Variants in ABCC4 observed in about 807,000 individuals in gnomAD.
The protein encoded by ABCC4 is ATP binding cassette subfamily C member 4 (PEL blood group).
ABCC4 carries 102 observed loss-of-function variants against 168.5 expected under a neutral mutation model. That is an observed-to-expected ratio of 0.61 (90% confidence interval 0.52 to 0.71). The LOEUF is 0.71. ABCC4 is among the 30% of genes least tolerant of loss of function. The probability of loss-of-function intolerance (pLI) is 0.00; values close to 1 mark genes in which losing one functional copy is unlikely to be tolerated. For missense variants in ABCC4, 1,402 were observed against 1,605.8 expected (o/e 0.87, Z 2.17); for synonymous variants, 617 against 590.7 (o/e 1.04, Z -0.65).
intron 19 of ABCC4, among the ~76,000 whole-genome samples, chr13:95,135,587 A>T (rs1218367089): frequency 6.6e-6 from 1 of 151,662 alleles, no homozygotes; most frequent in African/African-American, 2.4e-5. Context: ...TAATTTTTGT[A>T]TTTTTTTGTA....
intron 1 of ABCC4, among the ~76,000 whole-genome samples, chr13:95,272,968 C>T (rs749664928): frequency 1.6e-4 from 25 of 152,156 alleles, no homozygotes; most frequent in Non-Finnish European, 3.1e-4. Context: ...AAATCATACA[C>T]ACACACACAC....
intron 1 of ABCC4, among the ~76,000 whole-genome samples, chr13:95,277,938 G>C (rs1415846599): frequency 6.6e-6 from 1 of 152,112 alleles, no homozygotes; most frequent in African/African-American, 2.4e-5. Context: ...GGGTAATACT[G>C]CACCTTCAAT....
At position 95,207,943 on chromosome 13, in the gene ABCC4, C is replaced by T. The variant is rs11568683; in HGVS notation, c.786-18G>A. ...TTTTACTCCTAAGGGGAACCAGACACGGGAGATGAGCCTGAGCGATCACAG... is the reference window on the plus strand; with the variant it reads ...TTTTACTCCTAAGGGGAACCAGACATGGGAGATGAGCCTGAGCGATCACAG... On this transcript the variant is annotated intron_variant, in intron 6 of 30. Transcript: ENST00000645237. 0.013 allele frequency: 20,775 copies of T among 1,610,548 alleles called. 171 individuals carry two copies. Among genetic ancestry groups the T allele is most frequent in the Non-Finnish European group, 0.015 (17,276 of 1,179,122 alleles).
At chr13:95,082,547 C>A (rs577316569) in intron 21 of ABCC4, among the ~76,000 whole-genome samples, 2 of 152,204 alleles carry the variant, frequency 1.3e-5, no homozygotes, top group East Asian at 3.9e-4. Context: ...GAACAAGCAC[C>A]GCTGGTAACA....
chr13:95,209,884 C>T (rs1370626230), intron 5 of ABCC4, among the ~76,000 whole-genome samples: 1 of 152,252 alleles, frequency 6.6e-6, no homozygotes, highest in East Asian at 1.9e-4. Context: ...TTTTCCAGAA[C>T]TCTCTGCCAC....
chr13:95,052,315 C>T (rs921266974), intron 27 of ABCC4, among the ~76,000 whole-genome samples: 2 of 152,174 alleles, frequency 1.3e-5, no homozygotes, highest in Admixed American at 6.5e-5. Flanking sequence ...AAAGACTAAA[C>T]TAGGTCCTGT....
intron 4 of ABCC4, among the ~76,000 whole-genome samples, chr13:95,223,442 A>C (rs1180349925): frequency 1.3e-5 from 2 of 152,170 alleles, no homozygotes; most frequent in Non-Finnish European, 2.9e-5. Context: ...TGTTCAAAGA[A>C]ACTGAGGAAA....
intron 29 of ABCC4, among the ~76,000 whole-genome samples, chr13:95,037,218 C>A (rs765284842): frequency 2.6e-5 from 4 of 151,936 alleles, no homozygotes; most frequent in Non-Finnish European, 4.4e-5. Flanking sequence ...TAAATATGAC[C>A]TAACAAAGAG....
At chr13:95,123,313 A>C (rs192666333) in intron 19 of ABCC4, among the ~76,000 whole-genome samples, 217 of 152,266 alleles carry the variant, frequency 1.4e-3, no homozygotes, top group African/African-American at 4.3e-3. Context: ...TTAAAATTTT[A>C]CTTGTTTCAT....
At chr13:95,051,109 A>G (rs1011480692) in intron 27 of ABCC4, among the ~76,000 whole-genome samples, 1 of 152,244 alleles carries the variant, frequency 6.6e-6, no homozygotes, top group African/African-American at 2.4e-5. Flanking sequence ...ACAAATTTAA[A>G]TGAAATCAGA....
chr13:95,252,864 C>T (rs983498160), intron 1 of ABCC4, among the ~76,000 whole-genome samples: 1 of 152,178 alleles, frequency 6.6e-6, no homozygotes, highest in Non-Finnish European at 1.5e-5. Context: ...AGGACTTTAA[C>T]TAGATGACCT....
intron 22 of ABCC4, 168 bp downstream of exon 22, chr13:95,075,264 T>G: frequency 9.7e-6 from 8 of 821,872 alleles, no homozygotes; most frequent in South Asian, 5.6e-5. Context: ...CCGAGAGGAG[T>G]CCAAGCCCAG....
Position 95,186,895 on chromosome 13 carries a change from G to GA in ABCC4, c.1354-4dup. 1 of 1,599,748 alleles carries GA rather than the reference G, an allele frequency of 6.3e-7. No individual in the cohort carries two copies. Among genetic ancestry groups the GA allele is most frequent in the Non-Finnish European group, 8.5e-7 (1 of 1,172,646 alleles). ...AGCACGGCACTTAACAGTGATGACT[G>GA]AAACAGATTGTAAAAAAGCACATGT... On this transcript the variant is annotated splice_polypyrimidine_tract_variant and splice_region_variant and intron_variant, in intron 10 of 30. Coordinates refer to ENST00000645237, the MANE Select transcript of ABCC4 (RefSeq NM_005845.5).
At chr13:95,190,766 A>C (rs1419289681) in intron 9 of ABCC4, among the ~76,000 whole-genome samples, 1 of 152,228 alleles carries the variant, frequency 6.6e-6, no homozygotes, top group Non-Finnish European at 1.5e-5. Context: ...TTTAAGCAGC[A>C]CATTTATAAT....
At chr13:95,068,045 C>G (rs903490349) in intron 25 of ABCC4, among the ~76,000 whole-genome samples, 1 of 152,100 alleles carries the variant, frequency 6.6e-6, no homozygotes, top group African/African-American at 2.4e-5. Context: ...ATTACTTTTT[C>G]CTATTTGTTA....
intron 4 of ABCC4, among the ~76,000 whole-genome samples, chr13:95,231,060 C>A (rs1382180001): frequency 6.6e-6 from 1 of 152,148 alleles, no homozygotes; most frequent in African/African-American, 2.4e-5. Context: ...GATTCTACTT[C>A]TATGAAATAC....
intron 19 of ABCC4, among the ~76,000 whole-genome samples, chr13:95,129,938 A>G (rs1189425): frequency 0.5 from 76,124 of 151,820 alleles, 19,697 homozygotes; most frequent in South Asian, 0.69. Context: ...ATTTGAGTGC[A>G]GTGGCACACG....
At chr13:95,146,616 C>T (rs752195628) in intron 19 of ABCC4, among the ~76,000 whole-genome samples, 2 of 152,060 alleles carry the variant, frequency 1.3e-5, no homozygotes, top group Admixed American at 6.6e-5. Context: ...ACATAAAAAC[C>T]GATAGGGACA....
chr13:95,148,744 A>G (rs1566465207), intron 19 of ABCC4, among the ~76,000 whole-genome samples: 1 of 152,150 alleles, frequency 6.6e-6, no homozygotes, highest in Non-Finnish European at 1.5e-5. Flanking sequence ...AATTAAAGGG[A>G]GAGAAAAGAT....
Sources: gnomAD v4.1 joint callset for allele counts (sites outside exome capture counted in the v4.1 genomes callset) on GRCh38, gnomAD v4.1.1 for gene constraint, MANE v1.5 for transcripts, NCBI Gene and HGNC (gene_info 2026-07-23, HGNC 2026-07-21) for gene names.